The following KIAA0232 variants were observed in gnomAD, a reference collection of about 807,000 sequenced individuals.
The protein encoded by KIAA0232 is uncharacterized protein KIAA0232.
KIAA0232 carries 27 observed loss-of-function variants against 122.0 expected under a neutral mutation model. The ratio of observed to expected loss-of-function variants is 0.22; its 90% CI spans 0.16 to 0.31. The LOEUF is 0.31. KIAA0232 is among the 10% of genes least tolerant of loss of function. The pLI is 1.00. For missense variants in KIAA0232, 1,551 were observed against 1,634.2 expected (o/e 0.95, Z 0.88); for synonymous variants, 613 against 587.6 (o/e 1.04, Z -0.63).
chr4:6,861,010 T>A lies in KIAA0232; in HGVS notation c.628T>A (p.Ser210Thr). The stretch of plus-strand genomic sequence containing the variant: ...TTCTTACTCTAGCTCTTCTTCATCA[T>A]CCACAGCCCCACCAGCTAGCACAGA... ...VCSYSSSSSS[S>T]TAPPASTDTS... Residue 210 changes from serine to threonine, a missense_variant, in exon 7 of 10, where the codon TCC (serine) becomes ACC (threonine). By Grantham distance (58) the Ser-to-Thr change is moderately conservative. Around this residue, in one of 5 missense-constraint regions of KIAA0232, gnomAD observed 377 missense variants for 381.7 expected, o/e 0.99. Coordinates refer to ENST00000307659, the MANE Select transcript of KIAA0232 (RefSeq NM_014743.3). The A allele has an allele frequency of 6.2e-7, 1 of 1,614,176 alleles. No homozygotes were observed. The highest frequency in any genetic ancestry group is 8.5e-7 in the Non-Finnish European group (1 of 1,180,036).
chr4:6,871,481 T>G, intron 7 of KIAA0232, 93 bp from the exon 8 acceptor site: 1 of 723,974 alleles, frequency 1.4e-6, no homozygotes, highest in Admixed American at 2.4e-5. Context: ...TTAAAAGTTC[T>G]GGGTTTATAA....
intron 2 of KIAA0232, 91 bp from the exon 3 acceptor site, chr4:6,824,094 G>T: frequency 2.4e-6 from 1 of 412,494 alleles, no homozygotes; most frequent in East Asian, 3.4e-5. Context: ...TTAATAAAGA[G>T]GGACAGTTTA....
rs748619429 is a variant in KIAA0232, at chr4:6,824,690, T to C, written c.231+6T>C. ...ACTACGACCTGCAGGAACAGGTATT[T>C]ACATATTTTAAGTGTTTTCTGAAAA... On this transcript the variant is annotated splice_donor_region_variant and intron_variant, in intron 3 of 9. Coordinates refer to ENST00000307659, the MANE Select transcript of KIAA0232 (RefSeq NM_014743.3). 1.9e-6 allele frequency: 3 copies of C among 1,611,006 alleles called. No homozygotes were observed. The Admixed American group carries it at 5.0e-5, about 27-fold the overall frequency.
In KIAA0232 at chr4:6,864,021, T is replaced by C. The variant is rs763068897; in HGVS notation, c.3639T>C (p.Cys1213=). 1 of 1,614,176 alleles carries C rather than the reference T, an allele frequency of 6.2e-7. No homozygotes were observed. Among genetic ancestry groups the C allele is most frequent in the Non-Finnish European group, 8.5e-7 (1 of 1,180,012 alleles). ...SVGKQNQCLE[C]SMNESLEIDL... is the part of the protein sequence containing the mutation. ...GAAAGCAAAATCAGTGTTTGGAATG[T>C]AGCATGAATGAATCCCTGGAAATAG... Residue 1213 remains cysteine (C), a synonymous_variant, in exon 7 of 10, where the codon TGT becomes TGC. Transcript: ENST00000307659.
intron 3 of KIAA0232, among the ~76,000 whole-genome samples, chr4:6,827,541 C>T (rs1201047522): frequency 6.6e-6 from 1 of 152,216 alleles, no homozygotes; most frequent in Non-Finnish European, 1.5e-5. Flanking sequence ...CACATCTTCG[C>T]TCACCCCTTA....
intron 2 of KIAA0232, among the ~76,000 whole-genome samples, chr4:6,812,989 T>C (rs931428669): frequency 6.6e-6 from 1 of 152,194 alleles, no homozygotes; most frequent in Non-Finnish European, 1.5e-5. Flanking sequence ...TTAAATTAAC[T>C]TGGCCACATG....
At chr4:6,848,807 C>A (rs1720114162) in intron 4 of KIAA0232, among the ~76,000 whole-genome samples, 1 of 152,302 alleles carries the variant, frequency 6.6e-6, no homozygotes, top group East Asian at 1.9e-4. Flanking sequence ...ATGTACATTG[C>A]AGGAAGTGAT....
intron 2 of KIAA0232, among the ~76,000 whole-genome samples, chr4:6,823,946 T>A (rs1718544783): frequency 6.6e-6 from 1 of 152,068 alleles, no homozygotes; most frequent in Non-Finnish European, 1.5e-5. Context: ...AACTCCTGGG[T>A]TCAGGCAGTC....
intron 1 of KIAA0232, among the ~76,000 whole-genome samples, chr4:6,792,697 T>G (rs199944023): frequency 0.098 from 13,956 of 141,802 alleles, 462 homozygotes; most frequent in East Asian, 0.22. Flanking sequence ...TTTTTTTTGT[T>G]TTTTTTTTTT....
chr4:6,798,185 G>T (rs746941238), intron 1 of KIAA0232, among the ~76,000 whole-genome samples: 23 of 152,174 alleles, frequency 1.5e-4, no homozygotes, highest in Non-Finnish European at 3.1e-4. Context: ...CCCTGGTTTT[G>T]ACTCTCCATG....
chr4:6,784,438 G>C (rs866209794), intron 1 of KIAA0232, among the ~76,000 whole-genome samples: 4 of 152,202 alleles, frequency 2.6e-5, no homozygotes, highest in East Asian at 1.9e-4. Flanking sequence ...GTGAGGGCGG[G>C]GGGGGAGGAG....
intron 3 of KIAA0232, among the ~76,000 whole-genome samples, chr4:6,828,835 T>C (rs888639905): frequency 1.2e-4 from 18 of 152,210 alleles, no homozygotes; most frequent in African/African-American, 4.3e-4. Context: ...AACTAGCATG[T>C]ACTTTTTAAG....
chr4:6,833,161 G>A (rs1013813121), intron 3 of KIAA0232, among the ~76,000 whole-genome samples: 1 of 152,204 alleles, frequency 6.6e-6, no homozygotes, highest in African/African-American at 2.4e-5. Flanking sequence ...AATAGGAACT[G>A]TAAAAGTCTG....
chr4:6,814,589 A>C (rs1577367406), intron 2 of KIAA0232, among the ~76,000 whole-genome samples: 2 of 152,178 alleles, frequency 1.3e-5, no homozygotes, highest in South Asian at 4.2e-4. Flanking sequence ...ATACACAGAT[A>C]GACTTTTCAT....
At chr4:6,799,056 G>A (rs902557931) in intron 1 of KIAA0232, among the ~76,000 whole-genome samples, 2 of 152,020 alleles carry the variant, frequency 1.3e-5, no homozygotes, top group Non-Finnish European at 2.9e-5. Flanking sequence ...GTGTTGGCAG[G>A]GCTGGTTCCT....
chr4:6,821,117 T>C (rs1718401583), intron 2 of KIAA0232, among the ~76,000 whole-genome samples: 2 of 152,256 alleles, frequency 1.3e-5, no homozygotes, highest in African/African-American at 2.4e-5. Context: ...GGAGGTGATA[T>C]TTAAATCCAT....
chr4:6,789,879 AT>A (rs1306931568), intron 1 of KIAA0232, among the ~76,000 whole-genome samples: 1 of 152,072 alleles, frequency 6.6e-6, no homozygotes, highest in Non-Finnish European at 1.5e-5. Flanking sequence ...AATTTTAAAA[AT>A]TAGCCAGGTG....
intron 2 of KIAA0232, among the ~76,000 whole-genome samples, chr4:6,817,327 T>C (rs1718179498): frequency 6.6e-6 from 1 of 152,078 alleles, no homozygotes; most frequent in Non-Finnish European, 1.5e-5. Flanking sequence ...AGTGATTCTT[T>C]CACCTCAGCC....
At chr4:6,875,426 A>G (rs1017112055) in intron 8 of KIAA0232, among the ~76,000 whole-genome samples, 1 of 152,256 alleles carries the variant, frequency 6.6e-6, no homozygotes, top group Non-Finnish European at 1.5e-5. Context: ...GGGTATTCTC[A>G]TGAACCTCAA....
Sources: allele counts gnomAD v4.1 joint callset (sites outside exome capture counted in the v4.1 genomes callset), GRCh38; gene constraint gnomAD v4.1.1; regional missense constraint gnomAD v4.1.1; transcripts MANE v1.5; gene names NCBI Gene and HGNC (gene_info 2026-07-23, HGNC 2026-07-21).